STXBP5: variants seen among roughly 807,000 people sequenced by gnomAD.
STXBP5 encodes the protein syntaxin-binding protein 5.
Under a neutral mutation model 152.4 loss-of-function variants are expected in STXBP5, and 50 were observed. The ratio of observed to expected loss-of-function variants is 0.33; its 90% CI spans 0.26 to 0.42. STXBP5 has a LOEUF of 0.42. Ranked by LOEUF, STXBP5 falls within the 10% of genes least tolerant of loss-of-function variation. The probability of loss-of-function intolerance (pLI) is 1.00; values close to 1 mark genes in which losing one functional copy is unlikely to be tolerated. For missense variants in STXBP5, 1,167 were observed against 1,388.6 expected (o/e 0.84, Z 2.54); for synonymous variants, 492 against 494.7 (o/e 0.99, Z 0.07).
At chr6:147,234,925 C>T (rs1192844891) in intron 2 of STXBP5, among the ~76,000 whole-genome samples, 1 of 151,882 alleles carries the variant, frequency 6.6e-6, no homozygotes, top group Non-Finnish European at 1.5e-5. Context: ...CACCTTTTGT[C>T]TTCTTTTTGT....
At chr6:147,211,177 G>T (rs1306394852) in intron 2 of STXBP5, among the ~76,000 whole-genome samples, 1 of 152,020 alleles carries the variant, frequency 6.6e-6, no homozygotes, top group Admixed American at 6.6e-5. Context: ...TGGCGTGGTG[G>T]TGCACGCCTG....
At chr6:147,270,895 A>G (rs1332573777) in intron 7 of STXBP5, among the ~76,000 whole-genome samples, 1 of 152,218 alleles carries the variant, frequency 6.6e-6, no homozygotes, top group African/African-American at 2.4e-5. Flanking sequence ...TATTTTATAC[A>G]TAAAGTAGCA....
intron 2 of STXBP5, 40 bp from the exon 3 acceptor site, chr6:147,235,210 C>A (rs202144394): frequency 3.2e-6 from 5 of 1,583,796 alleles, no homozygotes. Context: ...TTCTCAAAAC[C>A]GAACAAATAC....
intron 9 of STXBP5, among the ~76,000 whole-genome samples, chr6:147,295,557 T>G (rs528996108): frequency 1.2e-3 from 187 of 152,202 alleles, no homozygotes; most frequent in African/African-American, 4.4e-3. Context: ...CAATTCCCCA[T>G]GGAGTATGGC....
intron 7 of STXBP5, among the ~76,000 whole-genome samples, chr6:147,275,846 C>T (rs986547765): frequency 1.3e-5 from 2 of 152,066 alleles, no homozygotes; most frequent in African/African-American, 4.8e-5. Context: ...CCTGAGCCAC[C>T]GTGCCTGGCC....
rs2128425847 is a variant in STXBP5 at position 147,387,415 on chromosome 6, AAAT to A, written c.*2661_*2663del. 6.6e-6 allele frequency: 1 copy of A among 151,846 alleles called. No homozygotes were observed. The highest frequency in any genetic ancestry group is 2.4e-5 in the African/African-American group (1 of 41,526). The allele number at this position is 151,846 out of a possible 1,614,324, so 9.4% of individuals were successfully genotyped here. On this transcript the variant is annotated 3_prime_UTR_variant, in exon 28 of 28. Coordinates refer to ENST00000321680, the MANE Select transcript of STXBP5 (RefSeq NM_001127715.4). ...TTTGTTGCATTTGTCCTTGACTCTA[AAAT>A]CACTGAAGTATTCATGATTAGTAGT...
At chr6:147,286,900 G>A (rs866735883) in intron 8 of STXBP5, among the ~76,000 whole-genome samples, 29 of 151,652 alleles carry the variant, frequency 1.9e-4, no homozygotes, top group Middle Eastern at 6.9e-3. Context: ...TAAAATATAG[G>A]TATTTCTAAA....
intron 9 of STXBP5, among the ~76,000 whole-genome samples, chr6:147,304,131 G>T (rs1430389537): frequency 1.3e-5 from 2 of 152,174 alleles, no homozygotes; most frequent in East Asian, 1.9e-4. Context: ...TGCCTCCAGG[G>T]CATGTCACAA....
intron 4 of STXBP5, among the ~76,000 whole-genome samples, chr6:147,244,377 T>C (rs1265002091): frequency 6.6e-6 from 1 of 152,240 alleles, no homozygotes; most frequent in Non-Finnish European, 1.5e-5. Flanking sequence ...TTATGTTGGC[T>C]ATTACGGGTT....
At chr6:147,360,488 T>G (rs1785014493) in intron 23 of STXBP5, among the ~76,000 whole-genome samples, 1 of 152,204 alleles carries the variant, frequency 6.6e-6, no homozygotes, top group South Asian at 2.1e-4. Context: ...CCATTTTTTT[T>G]TAAACTTTGG....
intron 9 of STXBP5, chr6:147,292,328 A>T (rs940282030): frequency 4.6e-6 from 2 of 433,578 alleles, no homozygotes; most frequent in African/African-American, 4.1e-5. Flanking sequence ...TAAGAGGTGT[A>T]TCATCTGTTT....
intron 27 of STXBP5, among the ~76,000 whole-genome samples, chr6:147,383,548 C>T (rs1311452832): frequency 6.6e-6 from 1 of 151,520 alleles, no homozygotes; most frequent in Admixed American, 6.6e-5. Context: ...TGACTGGCCC[C>T]CTTACACCAC....
chr6:147,248,989 C>G (rs753970778), intron 4 of STXBP5, among the ~76,000 whole-genome samples: 2 of 152,074 alleles, frequency 1.3e-5, no homozygotes, highest in African/African-American at 2.4e-5. Context: ...GAGCATACCC[C>G]CTGACAGACA....
chr6:147,307,394 T>C (rs544377900), intron 9 of STXBP5, among the ~76,000 whole-genome samples: 1 of 152,324 alleles, frequency 6.6e-6, no homozygotes, highest in African/African-American at 2.4e-5. Context: ...AATATTAATA[T>C]TCTTCACCTT....
chr6:147,218,384 T>G lies in STXBP5; in HGVS notation c.248+12316T>G, dbSNP rs913701155. ...ATTTATATTTAAGTATTTCATTTTT[T>G]GGGGTGCTAATATAAATTTCAAATA... is the stretch of plus-strand genomic sequence containing the variant. On this transcript the variant is annotated intron_variant, in intron 2 of 27. Coordinates refer to ENST00000321680, the MANE Select transcript of STXBP5 (RefSeq NM_001127715.4). 5.3e-5 allele frequency among the ~76,000 whole-genome samples: 8 copies of G among 152,222 alleles called. No homozygotes were observed. In the East Asian group the frequency reaches 5.8e-4, roughly 11 times the overall value.
chr6:147,282,405 TA>T (rs2128344139), intron 8 of STXBP5, among the ~76,000 whole-genome samples: 1 of 152,332 alleles, frequency 6.6e-6, no homozygotes, highest in Admixed American at 6.5e-5. Flanking sequence ...AGACAACCTG[TA>T]ATCTAATTGT....
At chr6:147,342,013 C>T (rs571284579) in intron 21 of STXBP5, among the ~76,000 whole-genome samples, 119 of 152,250 alleles carry the variant, frequency 7.8e-4, no homozygotes, top group African/African-American at 2.8e-3. Flanking sequence ...AGGATTTACA[C>T]CCAGGTAGCC....
chr6:147,213,993 A>C (rs1777031357), intron 2 of STXBP5, among the ~76,000 whole-genome samples: 2 of 152,184 alleles, frequency 1.3e-5, no homozygotes, highest in Non-Finnish European at 2.9e-5. Context: ...AGTTCATAAA[A>C]CTATAATAAT....
chr6:147,254,981 G>T (rs1054850238), intron 4 of STXBP5, among the ~76,000 whole-genome samples: 1 of 152,148 alleles, frequency 6.6e-6, no homozygotes, highest in Non-Finnish European at 1.5e-5. Flanking sequence ...GTACCCAAAG[G>T]ATTATAAATC....
Sources: gnomAD v4.1 joint callset for allele counts (sites outside exome capture counted in the v4.1 genomes callset) on GRCh38, gnomAD v4.1.1 for gene constraint, MANE v1.5 for transcripts, NCBI Gene and HGNC (gene_info 2026-07-23, HGNC 2026-07-21) for gene names.